Variants in BMPR2 observed in about 807,000 individuals in gnomAD.
The protein encoded by BMPR2 is bone morphogenetic protein receptor type 2, also known as bone morphogenetic protein receptor type-2.
A neutral mutation model predicts 100.8 loss-of-function variants in BMPR2; 29 were observed. The ratio of observed to expected loss-of-function variants is 0.29; its 90% confidence interval spans 0.21 to 0.39. The LOEUF (loss-of-function observed/expected upper bound fraction) is 0.39. BMPR2 is among the 10% of genes least tolerant of loss of function. The probability of loss-of-function intolerance (pLI) is 1.00; values close to 1 mark genes in which losing one functional copy is unlikely to be tolerated. For synonymous variants in BMPR2, 382 were observed against 442.3 expected, an observed-to-expected ratio of 0.86 and a Z score of 1.71; for missense variants, 1,011 against 1,274.5, an observed-to-expected ratio of 0.79 and a Z score of 3.15.
intron 1 of BMPR2, among the ~76,000 whole-genome samples, chr2:202,391,580 A>G (rs1433408987): frequency 6.7e-6 from 1 of 148,870 alleles, no homozygotes; most frequent in Admixed American, 6.7e-5. Context: ...GCATGCACCA[A>G]CACACCTGAC....
intron 12 of BMPR2, among the ~76,000 whole-genome samples, chr2:202,556,783 C>T (rs528052814): frequency 6.6e-6 from 1 of 151,386 alleles, no homozygotes; most frequent in East Asian, 2.0e-4. Flanking sequence ...CCCATCTCTA[C>T]TAAAAAATAA....
intron 1 of BMPR2, among the ~76,000 whole-genome samples, chr2:202,446,125 G>T (rs1691843635): frequency 6.6e-6 from 1 of 150,654 alleles, no homozygotes; most frequent in African/African-American, 2.5e-5. Context: ...CACAGGCTGG[G>T]CGTGGTGGCT....
rs775472754 is a variant in BMPR2 at position 202,520,159 on chromosome 2, A to G, written c.925A>G (p.Thr309Ala). The G allele has an allele frequency of 1.2e-6, 2 of 1,612,920 alleles. No homozygotes were observed. The highest frequency in any genetic ancestry group is 1.3e-5 in the African/African-American group (1 of 74,600). ...VSSCRLAHSVTRGLAYLHTEL... is the reference protein window; with the variant it reads ...VSSCRLAHSVARGLAYLHTEL... ...CTCTTGCCGTCTTGCTCATTCTGTTACTAGAGGACTGGCTTATCTTCACAC... is the reference window on the plus strand; with the variant it reads ...CTCTTGCCGTCTTGCTCATTCTGTTGCTAGAGGACTGGCTTATCTTCACAC... The change falls in exon 7 of 13, where the codon ACT (threonine) becomes GCT (alanine). Residue 309 changes from threonine to alanine, a missense_variant. Physicochemically the swap from Thr to Ala is moderately conservative, Grantham distance 58. Coordinates refer to ENST00000374580, the MANE Select transcript of BMPR2 (RefSeq NM_001204.7).
At chr2:202,406,286 A>G (rs1690889384) in intron 1 of BMPR2, among the ~76,000 whole-genome samples, 1 of 152,214 alleles carries the variant, frequency 6.6e-6, no homozygotes, top group African/African-American at 2.4e-5. Flanking sequence ...AGTAAGTTGT[A>G]GCCCCTTGGG....
chr2:202,460,552 A>G (rs903426909), intron 1 of BMPR2, among the ~76,000 whole-genome samples: 4 of 152,204 alleles, frequency 2.6e-5, no homozygotes, highest in African/African-American at 9.6e-5. Flanking sequence ...TTAGTGCTAA[A>G]GGAAGTAAAG....
At chr2:202,498,818 C>G (rs1204748672) in intron 3 of BMPR2, among the ~76,000 whole-genome samples, 4 of 152,138 alleles carry the variant, frequency 2.6e-5, no homozygotes, top group African/African-American at 9.7e-5. Context: ...CAATACTATC[C>G]TGCAGCTTGA....
At chr2:202,418,735 G>T (rs1340529195) in intron 1 of BMPR2, among the ~76,000 whole-genome samples, 1 of 152,190 alleles carries the variant, frequency 6.6e-6, no homozygotes, top group African/African-American at 2.4e-5. Context: ...GGGAGACCAA[G>T]GTTCTTATGC....
intron 1 of BMPR2, among the ~76,000 whole-genome samples, chr2:202,386,440 T>C (rs552462228): frequency 3.3e-5 from 5 of 152,176 alleles, no homozygotes; most frequent in Admixed American, 6.6e-5. Flanking sequence ...GAGATATCTT[T>C]GTCTCTTCTC....
At chr2:202,489,103 G>A (rs1028045805) in intron 3 of BMPR2, among the ~76,000 whole-genome samples, 2 of 151,568 alleles carry the variant, frequency 1.3e-5, no homozygotes, top group African/African-American at 4.9e-5. Flanking sequence ...CTGGGTTCAA[G>A]TGATTCTCCT....
At chr2:202,449,680 G>A (rs1184550243) in intron 1 of BMPR2, among the ~76,000 whole-genome samples, 1 of 152,160 alleles carries the variant, frequency 6.6e-6, no homozygotes, top group Admixed American at 6.6e-5. Context: ...CACTGCTAGA[G>A]GAATTAAATG....
At chr2:202,518,774 T>C in intron 5 of BMPR2, 48 bp from the exon 6 acceptor site, 1 of 1,415,630 alleles carries the variant, frequency 7.1e-7, no homozygotes, top group African/African-American at 1.4e-5. Flanking sequence ...GTAAATTTGA[T>C]TGTTCAATTG....
intron 3 of BMPR2, among the ~76,000 whole-genome samples, chr2:202,481,168 T>TTTCTCTTCTCTTCTCTTCTC (rs71035012): frequency 2.1e-4 from 31 of 150,390 alleles, no homozygotes; most frequent in Admixed American, 1.2e-3. Flanking sequence ...TCTCTTCTCT[T>TTTCTCTTCTCTTCTCTTCTC]TTCTCTTCTC....
chr2:202,444,351 A>G (rs1691807898), intron 1 of BMPR2, among the ~76,000 whole-genome samples: 1 of 150,706 alleles, frequency 6.6e-6, no homozygotes. Context: ...TTGTTTTTTT[A>G]TAAGAAAATT....
At position 202,467,703 on chromosome 2, in the gene BMPR2, C is replaced by G. The variant is rs1273678596; in HGVS notation, c.418+14C>G. ...CAACACCACTCAGTAAGTAAAGTAA[C>G]CAACTTTTCTTTGTATTTCCTTTCT... On this transcript the variant is annotated intron_variant, in intron 3 of 12. Coordinates refer to ENST00000374580, the MANE Select transcript of BMPR2 (RefSeq NM_001204.7). The G allele has an allele frequency of 6.3e-7, 1 of 1,599,452 alleles. No individual in the cohort carries two copies. The highest frequency in any genetic ancestry group is 8.6e-7 in the Non-Finnish European group (1 of 1,166,732).
chr2:202,412,241 A>G (rs949266728), intron 1 of BMPR2, among the ~76,000 whole-genome samples: 2 of 152,210 alleles, frequency 1.3e-5, no homozygotes, highest in Non-Finnish European at 2.9e-5. Context: ...TTGAGATAGT[A>G]AAATGAAGTC....
At chr2:202,559,570 G>A in intron 12 of BMPR2, 126 bp from the exon 13 acceptor site, 1 of 1,060,692 alleles carries the variant, frequency 9.4e-7, no homozygotes, top group Non-Finnish European at 1.4e-6. Context: ...CTGGCATTAT[G>A]AATTTCAAGA....
chr2:202,395,401 A>C lies in BMPR2; in HGVS notation c.76+17851A>C, dbSNP rs1574425869. On this transcript the variant is annotated intron_variant, in intron 1 of 12. Coordinates refer to ENST00000374580, the MANE Select transcript of BMPR2 (RefSeq NM_001204.7). ...ACTATTCTTGATCAATTCTGTTTCCAAATTAGAATGTATTCACTGAATATA... is the reference window on the plus strand; with the variant it reads ...ACTATTCTTGATCAATTCTGTTTCCCAATTAGAATGTATTCACTGAATATA... 4.6e-5 allele frequency among the ~76,000 whole-genome samples: 7 copies of C among 152,322 alleles called. No individual in the cohort carries two copies. In the East Asian group the frequency reaches 1.3e-3, roughly 29 times the overall value.
At chr2:202,508,370 C>T (rs1480816399) in intron 3 of BMPR2, among the ~76,000 whole-genome samples, 6 of 152,128 alleles carry the variant, frequency 3.9e-5, no homozygotes, top group South Asian at 2.1e-4. Context: ...GGATTACAGG[C>T]GTGAGCCACT....
chr2:202,528,854 A>G (rs982112807), intron 7 of BMPR2, among the ~76,000 whole-genome samples: 4 of 152,164 alleles, frequency 2.6e-5, no homozygotes, highest in Non-Finnish European at 2.9e-5. Flanking sequence ...ATACTATACT[A>G]TTTTTACTTG....
Sources: allele counts gnomAD v4.1 joint callset (sites outside exome capture counted in the v4.1 genomes callset), GRCh38; gene constraint gnomAD v4.1.1; transcripts MANE v1.5; gene names NCBI Gene and HGNC (gene_info 2026-07-23, HGNC 2026-07-21).